Variants in PSIP1 observed in about 807,000 individuals in gnomAD.
The protein encoded by PSIP1 is PC4 and SFRS1-interacting protein.
Under a neutral mutation model 74.7 loss-of-function variants are expected in PSIP1, and 19 were observed. The ratio of observed to expected loss-of-function variants is 0.25; its 90% CI spans 0.18 to 0.37. PSIP1 has a LOEUF of 0.37. Ranked by LOEUF, PSIP1 falls within the 10% of genes least tolerant of loss-of-function variation. PSIP1 has a pLI of 1.00. For synonymous variants in PSIP1, 222 were observed against 195.3 expected (o/e 1.14, Z -1.14); for missense variants, 601 against 614.3 (o/e 0.98, Z 0.23).
intron 3 of PSIP1, among the ~76,000 whole-genome samples, chr9:15,494,107 A>G (rs2036962701): frequency 6.6e-6 from 1 of 152,226 alleles, no homozygotes; most frequent in African/African-American, 2.4e-5. Context: ...TATTTCCTCT[A>G]AAATGTACTA....
At chr9:15,495,078 A>G (rs929896275) in intron 3 of PSIP1, among the ~76,000 whole-genome samples, 2 of 152,166 alleles carry the variant, frequency 1.3e-5, no homozygotes, top group African/African-American at 4.8e-5. Context: ...TGGAAGCTAA[A>G]AAGACAACTA....
chr9:15,481,778 CACTAAT>C (rs1419633093), intron 6 of PSIP1, among the ~76,000 whole-genome samples: 10 of 152,194 alleles, frequency 6.6e-5, no homozygotes, highest in Admixed American at 5.9e-4. Flanking sequence ...ACTATATTAA[CACTAAT>C]ACTAAGAGAT....
At chr9:15,471,469 A>G in intron 10 of PSIP1, 1 of 961,056 alleles carries the variant, frequency 1.0e-6, no homozygotes. Flanking sequence ...TACTAGTAAC[A>G]ACTAATTTTA....
intron 3 of PSIP1, among the ~76,000 whole-genome samples, chr9:15,491,546 A>G (rs559156951): frequency 2.2e-4 from 34 of 152,280 alleles, no homozygotes; most frequent in African/African-American, 7.9e-4. Flanking sequence ...AACTGTTTGC[A>G]TATGTGTGTA....
intron 3 of PSIP1, among the ~76,000 whole-genome samples, chr9:15,501,852 T>C (rs2037360895): frequency 6.8e-6 from 1 of 146,844 alleles, no homozygotes; most frequent in South Asian, 2.1e-4. Context: ...TATATATATA[T>C]ATATATATAT....
intron 8 of PSIP1, among the ~76,000 whole-genome samples, chr9:15,474,905 C>T (rs560398697): frequency 9.9e-5 from 15 of 152,224 alleles, no homozygotes; most frequent in African/African-American, 3.6e-4. Flanking sequence ...AAACTGTAAC[C>T]TTTTAACTGT....
intron 3 of PSIP1, among the ~76,000 whole-genome samples, chr9:15,497,822 T>C (rs1348882575): frequency 6.6e-6 from 1 of 152,218 alleles, no homozygotes; most frequent in Non-Finnish European, 1.5e-5. Flanking sequence ...AGTAAACTAA[T>C]CCACAATCTC....
Position 15,465,386 on chromosome 9 carries a change from A to G in PSIP1, c.*134T>C. 1 of 731,176 alleles carries G rather than the reference A, an allele frequency of 1.4e-6. No individual in the cohort carries two copies. Among genetic ancestry groups the G allele is most frequent in the Non-Finnish European group, 2.3e-6 (1 of 439,356 alleles). 45.3% of individuals were successfully genotyped at this position (731,176 alleles called of 1,614,324 possible). A position where few individuals can be genotyped will look rare whatever the true frequency, so the allele number is the denominator to read the frequency against. ...TAATGTTTACTTTACTTTAAAACAA[A>G]GGGATTTTCTCCCTCAAAACAAGTT... On this transcript the variant is annotated 3_prime_UTR_variant, in exon 16 of 16. Coordinates refer to ENST00000380733, the MANE Select transcript of PSIP1 (RefSeq NM_033222.5).
intron 5 of PSIP1, 84 bp from the exon 6 acceptor site, chr9:15,486,152 C>A (rs567966506): frequency 2.2e-5 from 25 of 1,131,226 alleles, no homozygotes; most frequent in Non-Finnish European, 3.1e-5. Flanking sequence ...GTTACAAGCA[C>A]GTTTAACTGA....
At chr9:15,498,216 G>C (rs1357107383) in intron 3 of PSIP1, among the ~76,000 whole-genome samples, 2 of 152,112 alleles carry the variant, frequency 1.3e-5, no homozygotes, top group East Asian at 3.8e-4. Flanking sequence ...AGGAGTTCGA[G>C]ACCAGCCTGG....
chr9:15,510,086 C>A (rs764122097), intron 2 of PSIP1, 31 bp downstream of exon 2: 1 of 1,594,510 alleles, frequency 6.3e-7, no homozygotes, highest in Non-Finnish European at 8.6e-7. Flanking sequence ...GAGGGTAGCA[C>A]TGCTAAGCGC....
intron 15 of PSIP1, chr9:15,466,080 T>TA (rs1161561858): frequency 2.6e-5 from 4 of 152,962 alleles, no homozygotes; most frequent in Non-Finnish European, 5.8e-5. Context: ...GGGTGGGTAT[T>TA]AAAAAATAGC....
chr9:15,507,081 A>G lies in PSIP1; in HGVS notation c.73-444T>C, dbSNP rs188112393. Among the ~76,000 whole-genome samples, 317 of 152,332 alleles carry G rather than the reference A, an allele frequency of 2.1e-3. 1 individual carries two copies. Among genetic ancestry groups the G allele is most frequent in the Middle Eastern group, 3.4e-3 (1 of 294 alleles). Reference sequence around the variant, plus strand: ...TTAGTTCTGCAGGAAATCTATACAAATAACAGACTAATGTAAAAGCAGACA... The same window carrying G: ...TTAGTTCTGCAGGAAATCTATACAAGTAACAGACTAATGTAAAAGCAGACA... On this transcript the variant is annotated intron_variant, in intron 2 of 15. Coordinates refer to ENST00000380733, the MANE Select transcript of PSIP1 (RefSeq NM_033222.5).
intron 6 of PSIP1, among the ~76,000 whole-genome samples, chr9:15,481,493 C>T (rs189762300): frequency 6.6e-6 from 1 of 152,200 alleles, no homozygotes; most frequent in Admixed American, 6.5e-5. Context: ...GTCAGGAGTT[C>T]GAGACCAGCC....
At chr9:15,489,873 A>G in intron 4 of PSIP1, 113 bp downstream of exon 4, 1 of 902,338 alleles carries the variant, frequency 1.1e-6, no homozygotes, top group Non-Finnish European at 1.6e-6. Context: ...TAAGAACACA[A>G]CAAACTAGTA....
At chr9:15,484,157 AT>A (rs2036457357) in intron 6 of PSIP1, among the ~76,000 whole-genome samples, 2 of 150,418 alleles carry the variant, frequency 1.3e-5, no homozygotes, top group Non-Finnish European at 3.0e-5. Flanking sequence ...ACAAATTTAT[AT>A]TTAAAAAAAA....
At chr9:15,485,862 G>T in intron 6 of PSIP1, 144 bp downstream of exon 6, 1 of 641,460 alleles carries the variant, frequency 1.6e-6, no homozygotes, top group Non-Finnish European at 2.6e-6. Context: ...AGATAGTTTT[G>T]CCAAGTAAAA....
Position 15,476,230 on chromosome 9 carries a change from A to G in PSIP1, c.630-1993T>C, listed in dbSNP as rs138980735. On this transcript the variant is annotated intron_variant, in intron 8 of 15. Transcript: ENST00000380733. Reference sequence around the variant, plus strand: ...GGCTACTGCTATTTTAGGGTTGTCCATTGCCTCAGGAAAAAGCTCACTAAT... The same window carrying G: ...GGCTACTGCTATTTTAGGGTTGTCCGTTGCCTCAGGAAAAAGCTCACTAAT... Among the ~76,000 whole-genome samples, 71 of 152,328 alleles carry G rather than the reference A, an allele frequency of 4.7e-4. No individual in the cohort carries two copies. In the South Asian group the frequency reaches 5.8e-3, roughly 12 times the overall value.
At chr9:15,481,963 C>G (rs1347801155) in intron 6 of PSIP1, among the ~76,000 whole-genome samples, 1 of 152,144 alleles carries the variant, frequency 6.6e-6, no homozygotes, top group Non-Finnish European at 1.5e-5. Context: ...TTAGGATATG[C>G]TTAAATATTT....
Sources: allele counts gnomAD v4.1 joint callset (sites outside exome capture counted in the v4.1 genomes callset), GRCh38; gene constraint gnomAD v4.1.1; transcripts MANE v1.5; gene names NCBI Gene and HGNC (gene_info 2026-07-23, HGNC 2026-07-21).